The following HDAC9 variants were observed in gnomAD, a reference collection of about 807,000 sequenced individuals.
The protein encoded by HDAC9 is MEF-2 interacting transcription repressor (MITR) protein.
In HDAC9, 41 loss-of-function variants were observed where a neutral mutation model predicts 139.4. That is an observed-to-expected ratio of 0.29 (90% CI 0.23 to 0.38). The LOEUF (loss-of-function observed/expected upper bound fraction) is 0.38, where lower values mean the gene tolerates loss of function less well. Ranked by LOEUF, HDAC9 falls within the 10% of genes least tolerant of loss-of-function variation. The pLI, the probability that HDAC9 is intolerant of heterozygous loss-of-function variation, is 1.00. For missense variants in HDAC9, 1,147 were observed against 1,297.0 expected (o/e 0.88, Z 1.78); for synonymous variants, 517 against 476.2 (o/e 1.09, Z -1.12).
intron 23 of HDAC9, among the ~76,000 whole-genome samples, chr7:18,940,631 GT>G (rs1045632645): frequency 6.6e-6 from 1 of 152,122 alleles, no homozygotes; most frequent in Non-Finnish European, 1.5e-5. Flanking sequence ...TAACCACATA[GT>G]TTTTAGAATT....
At chr7:18,215,327 T>C (rs1792228859) in intron 2 of HDAC9, among the ~76,000 whole-genome samples, 1 of 152,194 alleles carries the variant, frequency 6.6e-6, no homozygotes, top group Non-Finnish European at 1.5e-5. Flanking sequence ...CGGTCCTTTC[T>C]TTATGTCAAG....
intron 12 of HDAC9, chr7:18,668,276 C>T (rs867987925): frequency 1.0e-6 from 1 of 960,302 alleles, no homozygotes; most frequent in Non-Finnish European, 1.2e-6. Flanking sequence ...CACTCCCTAT[C>T]ACCAACATAT....
At chr7:18,253,854 T>C (rs10215029) in intron 2 of HDAC9, among the ~76,000 whole-genome samples, 2,810 of 152,286 alleles carry the variant, frequency 0.018, 91 homozygotes, top group African/African-American at 0.063. Flanking sequence ...GAAGGGTTCA[T>C]TTTTCATCCA....
At chr7:18,138,527 G>GTGTGTGT (rs373098473) in intron 1 of HDAC9, among the ~76,000 whole-genome samples, 4 of 142,586 alleles carry the variant, frequency 2.8e-5, no homozygotes, top group African/African-American at 5.2e-5. Context: ...GAGAGAGAGA[G>GTGTGTGT]GTGTGTGTGT....
At chr7:18,609,678 C>T (rs1836546958) in intron 6 of HDAC9, among the ~76,000 whole-genome samples, 2 of 152,022 alleles carry the variant, frequency 1.3e-5, no homozygotes, top group Admixed American at 6.6e-5. Context: ...ATGTGCACAA[C>T]GTGCAGGTTT....
At chr7:18,360,513 T>C (rs894865992) in intron 1 of HDAC9, among the ~76,000 whole-genome samples, 4 of 152,122 alleles carry the variant, frequency 2.6e-5, no homozygotes, top group African/African-American at 9.7e-5. Flanking sequence ...CTCCATTTGC[T>C]GTGGAAAAAA....
chr7:18,840,012 C>T (rs574372174), intron 21 of HDAC9, among the ~76,000 whole-genome samples: 24 of 152,090 alleles, frequency 1.6e-4, no homozygotes, highest in African/African-American at 5.5e-4. Flanking sequence ...CAATTTCCAA[C>T]GAATAAGATT....
At chr7:18,124,251 T>A (rs557086837) in intron 1 of HDAC9, among the ~76,000 whole-genome samples, 1 of 152,314 alleles carries the variant, frequency 6.6e-6, no homozygotes, top group East Asian at 1.9e-4. Flanking sequence ...GTTGGGTGAA[T>A]GTTATCTATG....
At chr7:18,931,433 TA>T (rs1275798809) in intron 22 of HDAC9, among the ~76,000 whole-genome samples, 1 of 152,210 alleles carries the variant, frequency 6.6e-6, no homozygotes, top group East Asian at 1.9e-4. Flanking sequence ...AACTAATTTT[TA>T]AATCCTTTTT....
chr7:18,635,380 A>C (rs1420479475), intron 8 of HDAC9, among the ~76,000 whole-genome samples: 1 of 152,016 alleles, frequency 6.6e-6, no homozygotes, highest in Non-Finnish European at 1.5e-5. Flanking sequence ...CACAGTAGGG[A>C]TATAAACATG....
chr7:18,360,494 C>T (rs17419107), intron 1 of HDAC9, among the ~76,000 whole-genome samples: 3,768 of 152,190 alleles, frequency 0.025, 67 homozygotes, highest in East Asian at 0.035. Context: ...CATAAATTTC[C>T]AGAGGCCTCT....
chr7:18,149,943 C>G (rs187311056), intron 1 of HDAC9, among the ~76,000 whole-genome samples: 3 of 152,172 alleles, frequency 2.0e-5, no homozygotes, highest in East Asian at 3.9e-4. Flanking sequence ...GTGATACTCC[C>G]GCCTCAGCCT....
chr7:18,829,092 G>T, intron 17 of HDAC9, 69 bp from the exon 18 acceptor site: 1 of 1,076,314 alleles, frequency 9.3e-7, no homozygotes. Context: ...TGTGCCTGGA[G>T]ATCCAAGCAA....
intron 1 of HDAC9, among the ~76,000 whole-genome samples, chr7:18,343,508 G>A (rs995411133): frequency 6.6e-6 from 1 of 151,788 alleles, no homozygotes; most frequent in Non-Finnish European, 1.5e-5. Context: ...GGTGTGTTCA[G>A]CTCTGCTGTG....
At chr7:18,954,465 A>C (rs1783013286) in intron 24 of HDAC9, 2 of 438,314 alleles carry the variant, frequency 4.6e-6, no homozygotes, top group East Asian at 8.5e-5. Flanking sequence ...AGGTATTTGG[A>C]GTTTTTACCA....
At chr7:18,678,738 G>A (rs1299337755) in intron 12 of HDAC9, among the ~76,000 whole-genome samples, 1 of 151,728 alleles carries the variant, frequency 6.6e-6, no homozygotes, top group African/African-American at 2.4e-5. Flanking sequence ...CCATTTTGGG[G>A]TCTGCTACTA....
At chr7:18,571,621 T>A (rs549359057) in intron 2 of HDAC9, among the ~76,000 whole-genome samples, 5 of 151,144 alleles carry the variant, frequency 3.3e-5, no homozygotes, top group African/African-American at 1.2e-4. Flanking sequence ...ATTTTATTTT[T>A]TATTTTTTAT....
intron 22 of HDAC9, among the ~76,000 whole-genome samples, chr7:18,928,346 A>T: frequency 6.6e-6 from 1 of 152,224 alleles, no homozygotes; most frequent in East Asian, 1.9e-4. Flanking sequence ...CTAAAAGAAA[A>T]AAGTTTATAC....
At chr7:18,803,514 A>T (rs1249971090) in intron 17 of HDAC9, among the ~76,000 whole-genome samples, 2 of 151,920 alleles carry the variant, frequency 1.3e-5, no homozygotes, top group Non-Finnish European at 2.9e-5. Context: ...TTTATCTATG[A>T]TGTCTTTTAC....
Sources: gnomAD v4.1 joint callset for allele counts (sites outside exome capture counted in the v4.1 genomes callset) on GRCh38, gnomAD v4.1.1 for gene constraint, MANE v1.5 for transcripts, NCBI Gene and HGNC (gene_info 2026-07-23, HGNC 2026-07-21) for gene names.